The following ADRA1A variants were observed in gnomAD, a reference collection of about 807,000 sequenced individuals.
ADRA1A encodes the protein alpha-1A adrenergic receptor.
ADRA1A carries 31 observed loss-of-function variants against 29.6 expected under a neutral mutation model. The ratio of observed to expected loss-of-function variants is 1.05; its 90% confidence interval spans 0.79 to 1.41. The LOEUF (loss-of-function observed/expected upper bound fraction) is 1.41. Among genes scored for constraint, ADRA1A ranks in the 40% most tolerant of loss-of-function variants. The probability of loss-of-function intolerance (pLI) is 0.00; values close to 1 mark genes in which losing one functional copy is unlikely to be tolerated. For missense variants in ADRA1A, 619 were observed against 601.1 expected, an observed-to-expected ratio of 1.03 and a Z score of -0.31; for synonymous variants, 311 against 254.3, an observed-to-expected ratio of 1.22 and a Z score of -2.12.
chr8:26,761,874 G>T (rs1399498175), downstream of ADRA1A, among the ~76,000 whole-genome samples: 1 of 152,208 alleles, frequency 6.6e-6, no homozygotes, highest in Non-Finnish European at 1.5e-5. Context: ...TCCAGTAGCA[G>T]ATGGGCTGCT....
At chr8:26,783,994 G>T (rs1476642612) in intron 2 of ADRA1A, among the ~76,000 whole-genome samples, 1 of 151,836 alleles carries the variant, frequency 6.6e-6, no homozygotes, top group East Asian at 1.9e-4. Context: ...GGGACACAAT[G>T]GGGGGAACAA....
At chr8:26,774,768 G>C (rs1806424475) in intron 2 of ADRA1A, among the ~76,000 whole-genome samples, 1 of 151,998 alleles carries the variant, frequency 6.6e-6, no homozygotes, top group African/African-American at 2.4e-5. Flanking sequence ...CTAGAAAGGA[G>C]AGATGGGGCT....
intron 2 of ADRA1A, among the ~76,000 whole-genome samples, chr8:26,837,099 A>G (rs1585799564): frequency 6.6e-6 from 1 of 152,166 alleles, no homozygotes; most frequent in African/African-American, 2.4e-5. Context: ...GTAGATATAC[A>G]ATGGCTAGTA....
At position 26,787,125 on chromosome 8, in the gene ADRA1A, A is replaced by T. The variant is rs1433948417; in HGVS notation, c.884-16459T>A. On this transcript the variant is annotated intron_variant, in intron 2 of 2. Coordinates refer to ENST00000380573, the MANE Select transcript of ADRA1A (RefSeq NM_000680.4). This position sits in a 1 kb window ranked among gnomAD's most constrained non-coding sequence, Gnocchi z 4.2. ...GAGCTCAGATTCAAATTCAGGCTTC[A>T]TGCCCAAACTCATGTTTTAAATTTC... Among the ~76,000 whole-genome samples the T allele has an allele frequency of 6.6e-6, 1 of 152,170 alleles. No homozygotes were observed. The highest frequency in any genetic ancestry group is 2.4e-5 in the African/African-American group (1 of 41,442).
chr8:26,760,750 C>T (rs577843118), intron 2 of ADRA1A, among the ~76,000 whole-genome samples: 2 of 152,210 alleles, frequency 1.3e-5, no homozygotes, highest in South Asian at 2.1e-4. Context: ...TCTGCTTCCT[C>T]AGGTGCAAAT....
chr8:26,851,542 T>C (rs576993533), intron 2 of ADRA1A, among the ~76,000 whole-genome samples: 1 of 152,318 alleles, frequency 6.6e-6, no homozygotes, highest in East Asian at 1.9e-4. Context: ...ATTAGAAACA[T>C]GGATTATGAG....
Position 26,806,712 on chromosome 8 carries a change from G to A in ADRA1A, c.884-36046C>T, listed in dbSNP as rs1405471449. Among the ~76,000 whole-genome samples, 5 of 152,128 alleles carry A rather than the reference G, an allele frequency of 3.3e-5. No individual in the cohort carries two copies. The highest frequency in any genetic ancestry group is 1.2e-4 in the African/African-American group (5 of 41,420). ...TTTACTCTGGCTTAACCGAGAGTTC[G>A]GTCATTACATAAAGCTGCCACATGC... On this transcript the variant is annotated intron_variant, in intron 2 of 2. Transcript: ENST00000380573. The surrounding 1 kb of genome is among the most constrained non-coding windows in gnomAD (Gnocchi z 4.6).
rs898854166 is a variant in ADRA1A at position 26,831,936 on chromosome 8, C to T, written c.883+32151G>A. Among the ~76,000 whole-genome samples, 3 of 152,196 alleles carry T rather than the reference C, an allele frequency of 2.0e-5. No homozygotes were observed. Among genetic ancestry groups the T allele is most frequent in the Non-Finnish European group, 2.9e-5 (2 of 68,042 alleles). ...TCCCTAAGAGACACCTGGGCCTGGC[C>T]GTGTGGTTTGTAGGCTGGAGTGGGG... On this transcript the variant is annotated intron_variant, in intron 2 of 2. Transcript: ENST00000380573. The surrounding 1 kb of genome is among the most constrained non-coding windows in gnomAD (Gnocchi z 5.2).
At chr8:26,854,425 G>GC (rs34107108) in intron 2 of ADRA1A, 7 of 126,896 alleles carry the variant, frequency 5.5e-5, no homozygotes, top group African/African-American at 1.2e-4. Flanking sequence ...AAGCGGGGCG[G>GC]GGGGGGGGAG....
intron 2 of ADRA1A, among the ~76,000 whole-genome samples, chr8:26,783,620 T>G (rs1252937287): frequency 6.6e-6 from 1 of 152,204 alleles, no homozygotes; most frequent in Non-Finnish European, 1.5e-5. Context: ...TAAAAATACC[T>G]GAAGGATCAA....
intron 2 of ADRA1A, 53 bp from the exon 3 acceptor site, chr8:26,770,719 T>C (rs1365634744): frequency 2.2e-5 from 33 of 1,533,504 alleles, no homozygotes; most frequent in Non-Finnish European, 2.9e-5. Flanking sequence ...AGCAAGCCAA[T>C]TGGCTAGGAA....
chr8:26,855,440 G>T (rs1812974190), intron 2 of ADRA1A, among the ~76,000 whole-genome samples: 6 of 151,272 alleles, frequency 4.0e-5, no homozygotes, highest in Admixed American at 3.3e-4. Context: ...AAAAACTGCT[G>T]TATAAAAAGT....
At chr8:26,832,709 T>C (rs188677196) in intron 2 of ADRA1A, among the ~76,000 whole-genome samples, 1 of 152,188 alleles carries the variant, frequency 6.6e-6, no homozygotes, top group East Asian at 1.9e-4. Flanking sequence ...CTCTGGGAAG[T>C]AGACTCTGAG....
intron 2 of ADRA1A, among the ~76,000 whole-genome samples, chr8:26,861,733 A>G (rs1813483646): frequency 6.6e-6 from 1 of 152,158 alleles, no homozygotes; most frequent in Non-Finnish European, 1.5e-5. Context: ...GTTTTAGTGA[A>G]GTGCATTACT....
chr8:26,859,277 G>C (rs1430664690), intron 2 of ADRA1A: 1 of 1,027,112 alleles, frequency 9.7e-7, no homozygotes, highest in East Asian at 6.0e-5. Flanking sequence ...ACTTAAGACA[G>C]TTAATAAAAA....
chr8:26,826,532 G>T (rs980636470), intron 2 of ADRA1A, among the ~76,000 whole-genome samples: 1 of 152,132 alleles, frequency 6.6e-6, no homozygotes, highest in African/African-American at 2.4e-5. Flanking sequence ...AGTCTATTTT[G>T]TTATCTTGAT....
intron 2 of ADRA1A, among the ~76,000 whole-genome samples, chr8:26,810,577 C>T (rs956236995): frequency 2.0e-5 from 3 of 152,210 alleles, no homozygotes; most frequent in Non-Finnish European, 4.4e-5. Flanking sequence ...TGCTATGTCA[C>T]ACTAGTGAGG....
rs1241775504 is a variant in ADRA1A at position 26,805,266 on chromosome 8, A to T, written c.884-34600T>A. On this transcript the variant is annotated intron_variant, in intron 2 of 2. Coordinates refer to ENST00000380573, the MANE Select transcript of ADRA1A (RefSeq NM_000680.4). The surrounding 1 kb of genome is among the most constrained non-coding windows in gnomAD (Gnocchi z 4.8). ...ACTCTCAATTTACACCTATTGCCTC[A>T]GTATGGTTATTAATTGTGCTTTCTT... is the stretch of plus-strand genomic sequence containing the variant. Among the ~76,000 whole-genome samples, 1 of 152,206 alleles carries T rather than the reference A, an allele frequency of 6.6e-6. No homozygotes were observed. The highest frequency in any genetic ancestry group is 1.5e-5 in the Non-Finnish European group (1 of 68,044).
At chr8:26,757,520 C>CG (rs569918637) in intron 2 of ADRA1A, among the ~76,000 whole-genome samples, 14 of 151,608 alleles carry the variant, frequency 9.2e-5, no homozygotes, top group South Asian at 8.4e-4. Context: ...TTTCCCCCAC[C>CG]CCCCACCTCT....
Sources: allele counts gnomAD v4.1 joint callset (sites outside exome capture counted in the v4.1 genomes callset), GRCh38; gene constraint gnomAD v4.1.1; non-coding constraint Gnocchi (gnomAD v3.1); transcripts MANE v1.5; gene names NCBI Gene and HGNC (gene_info 2026-07-23, HGNC 2026-07-21).